CNBD2: variants seen among roughly 807,000 people sequenced by gnomAD.
The protein encoded by CNBD2 is cyclic nucleotide-binding domain-containing protein 2.
A neutral mutation model predicts 63.7 loss-of-function variants in CNBD2; 64 were observed. That is an observed-to-expected ratio of 1.00 (90% confidence interval 0.82 to 1.24). CNBD2 has a LOEUF of 1.24. Ranked by LOEUF, CNBD2 falls within the 50% of genes most tolerant of loss-of-function variation. CNBD2 has a pLI of 0.00. For synonymous variants in CNBD2, 229 were observed against 255.4 expected (o/e 0.90, Z 0.99); for missense variants, 691 against 713.5 (o/e 0.97, Z 0.36).
At chr20:35,984,929 C>A in intron 6 of CNBD2, 151 bp downstream of exon 6, 1 of 723,236 alleles carries the variant, frequency 1.4e-6, no homozygotes, top group East Asian at 2.5e-5. Context: ...CCTTCTCTCT[C>A]TGCAGACTCC....
At chr20:36,005,965 A>AAAAAC (rs1440159845) in intron 8 of CNBD2, among the ~76,000 whole-genome samples, 3 of 152,090 alleles carry the variant, frequency 2.0e-5, no homozygotes, top group Non-Finnish European at 4.4e-5. Flanking sequence ...ACAAAAAAAC[A>AAAAAC]AAAACAAAAC....
At chr20:36,020,122 G>T (rs750924675) in intron 10 of CNBD2, among the ~76,000 whole-genome samples, 1 of 151,378 alleles carries the variant, frequency 6.6e-6, no homozygotes, top group African/African-American at 2.4e-5. Context: ...TCGCTGTGTC[G>T]CCCAGGCTGG....
chr20:35,965,550 T>C (rs1328411856), upstream of CNBD2, among the ~76,000 whole-genome samples: 1 of 152,194 alleles, frequency 6.6e-6, no homozygotes, highest in Non-Finnish European at 1.5e-5. Context: ...AGGCCCCAAG[T>C]AGTTAAGTGA....
At chr20:36,006,426 A>T (rs906651732) in intron 8 of CNBD2, among the ~76,000 whole-genome samples, 2 of 150,766 alleles carry the variant, frequency 1.3e-5, no homozygotes, top group Admixed American at 6.6e-5. Flanking sequence ...TAGAAAAAAA[A>T]TTCTTTTTGA....
intron 9 of CNBD2, among the ~76,000 whole-genome samples, chr20:36,010,744 AGAGT>A (rs970780158): frequency 1.3e-5 from 2 of 151,924 alleles, no homozygotes; most frequent in African/African-American, 4.8e-5. Flanking sequence ...GCCTGGCGAC[AGAGT>A]GAGACTCCGT....
chr20:35,991,222 A>G (rs1361319953), intron 7 of CNBD2, among the ~76,000 whole-genome samples: 1 of 152,250 alleles, frequency 6.6e-6, no homozygotes, highest in East Asian at 1.9e-4. Flanking sequence ...CAAAACCCAC[A>G]AAAGAATTCT....
intron 10 of CNBD2, among the ~76,000 whole-genome samples, chr20:36,014,471 A>G (rs1341765431): frequency 6.6e-6 from 1 of 151,088 alleles, no homozygotes; most frequent in Non-Finnish European, 1.5e-5. Context: ...CTGGCATTAC[A>G]GGCACACGCC....
chr20:35,981,661 A>G (rs1218603773), intron 4 of CNBD2, among the ~76,000 whole-genome samples: 3 of 152,032 alleles, frequency 2.0e-5, no homozygotes, highest in African/African-American at 7.2e-5. Context: ...GGTGGTCTTG[A>G]ACTCCTGAGC....
chr20:35,983,902 C>G lies in CNBD2; in HGVS notation c.408-80C>G, dbSNP rs1260026598. Reference sequence around the variant, plus strand: ...TGCTCTTATATCCCAAAGCAAAGAGCACAACCAGTCCAGAGCTCCTCTCAG... The same window carrying G: ...TGCTCTTATATCCCAAAGCAAAGAGGACAACCAGTCCAGAGCTCCTCTCAG... On this transcript the variant is annotated intron_variant, in intron 4 of 11. Transcript: ENST00000373973. 4.5e-6 allele frequency: 7 copies of G among 1,541,570 alleles called. No individual in the cohort carries two copies. In the East Asian group the frequency reaches 1.6e-4, roughly 35 times the overall value.
rs2056631631 is a variant in CNBD2 at position 35,984,019 on chromosome 20, A to G, written c.445A>G (p.Lys149Glu). The G allele has an allele frequency of 2.5e-6, 4 of 1,614,228 alleles. No homozygotes were observed. Among genetic ancestry groups the G allele is most frequent in the Non-Finnish European group, 3.4e-6 (4 of 1,180,044 alleles). The change falls in exon 5 of 12, where the codon AAG becomes GAG. Residue 149 changes from lysine to glutamate, a missense_variant. Transcript: ENST00000373973. ...GCGTGTGATCATCAAGAAGGGGCAG[A>G]AGGGCAACAGCTTTTATTTCATCTA... ...RRRVIIKKGQ[K>E]GNSFYFIYLG... is the part of the protein sequence containing the mutation.
chr20:35,971,124 T>G (rs574508226), intron 1 of CNBD2, among the ~76,000 whole-genome samples: 45 of 151,372 alleles, frequency 3.0e-4, no homozygotes, highest in African/African-American at 1.1e-3. Context: ...ATTTTTTGTA[T>G]TTTTAGTAGA....
At chr20:35,976,851 G>T (rs1302528564) in intron 3 of CNBD2, among the ~76,000 whole-genome samples, 6 of 152,120 alleles carry the variant, frequency 3.9e-5, no homozygotes, top group Non-Finnish European at 8.8e-5. Context: ...TTTTTCCTCA[G>T]TGGAAGGGGA....
At chr20:36,030,292 G>A in intron 11 of CNBD2, 65 bp from the exon 12 acceptor site, 1 of 1,509,476 alleles carries the variant, frequency 6.6e-7, no homozygotes, top group Non-Finnish European at 9.2e-7. Context: ...GGGGAGAGTG[G>A]CAGGAGGCAA....
At chr20:35,968,372 TCTC>T (rs1196703982), upstream of CNBD2, among the ~76,000 whole-genome samples, 3 of 105,524 alleles carry the variant, frequency 2.8e-5, no homozygotes, top group African/African-American at 1.5e-4. Flanking sequence ...GTTGTGCCAT[TCTC>T]CTGTCTCACC....
chr20:35,994,575 TA>T (rs565944995), intron 7 of CNBD2, among the ~76,000 whole-genome samples: 780 of 130,862 alleles, frequency 6.0e-3, no homozygotes, highest in African/African-American at 0.01. Context: ...CATTTTCATT[TA>T]AAAAAAAAAA....
intron 8 of CNBD2, among the ~76,000 whole-genome samples, chr20:35,997,246 C>T (rs148195246): frequency 6.6e-6 from 1 of 152,192 alleles, no homozygotes; most frequent in Non-Finnish European, 1.5e-5. Context: ...TGCTTCCCCC[C>T]ACTTCCCTTG....
chr20:36,006,146 A>G (rs1039199391), intron 8 of CNBD2, among the ~76,000 whole-genome samples: 1 of 149,920 alleles, frequency 6.7e-6, no homozygotes. Flanking sequence ...CTCTTGCCTC[A>G]GCCTCTGGAG....
At chr20:35,988,008 T>C (rs2056692218) in intron 7 of CNBD2, among the ~76,000 whole-genome samples, 1 of 152,068 alleles carries the variant, frequency 6.6e-6, no homozygotes, top group Non-Finnish European at 1.5e-5. Flanking sequence ...TAGCTGAGAT[T>C]ACAGGTGCCT....
upstream of CNBD2, among the ~76,000 whole-genome samples, chr20:35,965,891 C>G (rs569485470): frequency 4.6e-5 from 7 of 152,304 alleles, no homozygotes; most frequent in African/African-American, 1.7e-4. Context: ...TGTACAACCA[C>G]AGCTGGCAAG....
Sources: allele counts gnomAD v4.1 joint callset (sites outside exome capture counted in the v4.1 genomes callset), GRCh38; gene constraint gnomAD v4.1.1; transcripts MANE v1.5; gene names NCBI Gene and HGNC (gene_info 2026-07-23, HGNC 2026-07-21).